SHISA6: variants seen among roughly 807,000 people sequenced by gnomAD.
SHISA6 encodes the protein protein shisa-6.
A neutral mutation model predicts 47.9 loss-of-function variants in SHISA6; 22 were observed. The ratio of observed to expected loss-of-function variants is 0.46; its 90% CI spans 0.33 to 0.66. SHISA6 has a LOEUF of 0.66. Ranked by LOEUF, SHISA6 falls within the 30% of genes least tolerant of loss-of-function variation. The pLI is 0.02. For missense variants in SHISA6, 680 were observed against 764.6 expected (o/e 0.89, Z 1.30); for synonymous variants, 388 against 337.8 (o/e 1.15, Z -1.63).
intron 3 of SHISA6, among the ~76,000 whole-genome samples, chr17:11,485,466 C>G (rs1364370049): frequency 6.6e-6 from 1 of 152,142 alleles, no homozygotes; most frequent in East Asian, 1.9e-4. Context: ...CATTAACTAC[C>G]TACAGTTGCT....
chr17:11,345,495 G>A (rs1044375172), intron 2 of SHISA6, among the ~76,000 whole-genome samples: 4 of 152,000 alleles, frequency 2.6e-5, no homozygotes, highest in Non-Finnish European at 5.9e-5. Context: ...CATTTCATAT[G>A]CAATTTCTTA....
Position 11,450,202 on chromosome 17 carries a change from GGACATGA to G in SHISA6, c.895+70694_895+70700del, listed in dbSNP as rs1567609071. Among the ~76,000 whole-genome samples, 19 of 152,074 alleles carry G rather than the reference GGACATGA, an allele frequency of 1.2e-4. No homozygotes were observed. The South Asian group carries it at 4.0e-3, about 32-fold the overall frequency. ...TGCCCAGCCGGATCTCTTCCTATAA[GGACATGA>G]ATCAAATTGAATTTAGGGGCCCACC... On this transcript the variant is annotated intron_variant, in intron 3 of 5. Transcript: ENST00000441885.
chr17:11,346,458 G>A (rs972700029), intron 2 of SHISA6, among the ~76,000 whole-genome samples: 3 of 152,142 alleles, frequency 2.0e-5, no homozygotes, highest in African/African-American at 7.2e-5. Flanking sequence ...ACCATTTTAA[G>A]TGAACTCTCA....
chr17:11,256,631 C>G (rs1199998368), intron 1 of SHISA6, among the ~76,000 whole-genome samples: 1 of 152,176 alleles, frequency 6.6e-6, no homozygotes, highest in Non-Finnish European at 1.5e-5. Context: ...GCTACCAAAT[C>G]TTGGTAGCAT....
chr17:11,283,121 T>C (rs900801260), intron 2 of SHISA6, among the ~76,000 whole-genome samples: 1 of 152,224 alleles, frequency 6.6e-6, no homozygotes, highest in Non-Finnish European at 1.5e-5. Flanking sequence ...CTTCGCAGGA[T>C]TCAACTCTAT....
At chr17:11,336,490 C>G (rs145150200) in intron 2 of SHISA6, among the ~76,000 whole-genome samples, 6 of 152,106 alleles carry the variant, frequency 3.9e-5, no homozygotes, top group Non-Finnish European at 8.8e-5. Flanking sequence ...ATATTGGGCT[C>G]ATGGGGCACC....
intron 2 of SHISA6, among the ~76,000 whole-genome samples, chr17:11,367,443 C>T (rs952532936): frequency 2.0e-5 from 3 of 152,140 alleles, no homozygotes; most frequent in African/African-American, 7.2e-5. Flanking sequence ...GCACAGAGAA[C>T]AGGGAACACT....
chr17:11,366,944 G>T (rs1912472554), intron 2 of SHISA6, among the ~76,000 whole-genome samples: 1 of 152,172 alleles, frequency 6.6e-6, no homozygotes, highest in South Asian at 2.1e-4. Flanking sequence ...ATCAAATTAA[G>T]ATGAGGTCAT....
intron 2 of SHISA6, among the ~76,000 whole-genome samples, chr17:11,376,749 A>G (rs1032980028): frequency 1.3e-5 from 2 of 152,172 alleles, no homozygotes; most frequent in African/African-American, 4.8e-5. Flanking sequence ...AGACTGACCT[A>G]TCACTGGTCC....
intron 3 of SHISA6, among the ~76,000 whole-genome samples, chr17:11,462,770 G>A (rs1213836160): frequency 6.6e-6 from 1 of 152,118 alleles, no homozygotes; most frequent in African/African-American, 2.4e-5. Context: ...TGGGATTACA[G>A]GCATGTGCCA....
chr17:11,317,530 T>G (rs546787996), intron 2 of SHISA6, among the ~76,000 whole-genome samples: 14 of 150,030 alleles, frequency 9.3e-5, no homozygotes, highest in African/African-American at 2.7e-4. Context: ...ATTTGGTGGT[T>G]GTTTGTTTTT....
At chr17:11,264,888 A>G (rs1011683736) in intron 2 of SHISA6, among the ~76,000 whole-genome samples, 2 of 152,216 alleles carry the variant, frequency 1.3e-5, no homozygotes, top group African/African-American at 4.8e-5. Context: ...ATACAAATAC[A>G]TATACATATT....
intron 2 of SHISA6, chr17:11,290,299 A>C (rs1909478561): frequency 6.6e-6 from 1 of 151,898 alleles, no homozygotes; most frequent in African/African-American, 2.4e-5. Flanking sequence ...TGTATAATTA[A>C]TATATCATGA....
intron 3 of SHISA6, among the ~76,000 whole-genome samples, chr17:11,491,034 A>G (rs745683900): frequency 5.9e-5 from 9 of 152,296 alleles, no homozygotes; most frequent in African/African-American, 2.2e-4. Context: ...AGACCCTTCA[A>G]TAGCCGGAGT....
intron 3 of SHISA6, among the ~76,000 whole-genome samples, chr17:11,551,198 T>A (rs2071929104): frequency 6.6e-6 from 1 of 152,242 alleles, no homozygotes; most frequent in Admixed American, 6.5e-5. Flanking sequence ...CAAACAATTT[T>A]AAAAGCTTTT....
chr17:11,241,500 C>T lies in SHISA6; in HGVS notation c.78C>T (p.Ala26=), dbSNP rs1907324818. ...ACCTGCTGCCCAGCGTCCACGGAGC[C>T]CGCGGCCGCGCCGCCAACCGGACCC... ...SLDLLPSVHG[A]RGRAANRTLS... Residue 26 remains alanine, a synonymous_variant, in exon 1 of 6, where the codon GCC becomes GCT. Transcript: ENST00000441885. This position sits in a 1 kb window ranked among gnomAD's most constrained non-coding sequence, Gnocchi z 5.5. The T allele has an allele frequency of 8.6e-7, 1 of 1,160,570 alleles. No homozygotes were observed. The highest frequency in any genetic ancestry group is 1.1e-6 in the Non-Finnish European group (1 of 934,004). 71.9% of individuals were successfully genotyped at this position (1,160,570 alleles called of 1,614,324 possible).
chr17:11,441,903 T>C (rs1490448772), intron 3 of SHISA6, among the ~76,000 whole-genome samples: 32 of 152,150 alleles, frequency 2.1e-4, no homozygotes, highest in Admixed American at 2.0e-3. Flanking sequence ...TGCAGACACT[T>C]CACCTTTGCA....
At chr17:11,250,275 T>C (rs1907751011) in intron 1 of SHISA6, among the ~76,000 whole-genome samples, 1 of 152,198 alleles carries the variant, frequency 6.6e-6, no homozygotes, top group Non-Finnish European at 1.5e-5. Flanking sequence ...CCTTCCCTTC[T>C]TTCTATCCCA....
intron 2 of SHISA6, among the ~76,000 whole-genome samples, chr17:11,330,395 C>G (rs1911054661): frequency 6.6e-6 from 1 of 151,362 alleles, no homozygotes; most frequent in Non-Finnish European, 1.5e-5. Context: ...GATAGCAGGC[C>G]AAGGAAAGGG....
Sources: allele counts gnomAD v4.1 joint callset (sites outside exome capture counted in the v4.1 genomes callset), GRCh38; gene constraint gnomAD v4.1.1; non-coding constraint Gnocchi (gnomAD v3.1); transcripts MANE v1.5; gene names NCBI Gene and HGNC (gene_info 2026-07-23, HGNC 2026-07-21).